Variants in CSMD3 observed in about 807,000 individuals in gnomAD.
CSMD3 encodes CUB and sushi domain-containing protein 3.
CSMD3 carries 177 observed loss-of-function variants against 435.2 expected under a neutral mutation model. That is an observed-to-expected ratio of 0.41 (90% CI 0.36 to 0.46). The LOEUF (loss-of-function observed/expected upper bound fraction) is 0.46, where lower values mean the gene tolerates loss of function less well. CSMD3 is among the 20% of genes least tolerant of loss of function. CSMD3 has a pLI of 0.34. For missense variants in CSMD3, 4,265 were observed against 4,504.6 expected (o/e 0.95, Z 1.52); for synonymous variants, 1,656 against 1,520.5 (o/e 1.09, Z -2.07).
chr8:112,576,835 C>CATATATATATATATAT (rs5894088), intron 23 of CSMD3, among the ~76,000 whole-genome samples: 5 of 71,608 alleles, frequency 7.0e-5, no homozygotes, highest in African/African-American at 1.4e-4. Flanking sequence ...AGGCAGCATA[C>CATATATATATATATAT]ATATATATAT....
At chr8:113,207,969 G>C (rs563710140) in intron 3 of CSMD3, among the ~76,000 whole-genome samples, 56 of 152,232 alleles carry the variant, frequency 3.7e-4, no homozygotes, top group Admixed American at 4.6e-4. Context: ...TTAGCTCTCT[G>C]CATATATTTC....
chr8:112,366,164 G>A (rs962974587), intron 38 of CSMD3, among the ~76,000 whole-genome samples: 4 of 152,132 alleles, frequency 2.6e-5, no homozygotes, highest in Admixed American at 2.6e-4. Flanking sequence ...AAGAGCAAAG[G>A]TCATGGCAAC....
At chr8:112,356,375 A>T (rs1826598662) in intron 38 of CSMD3, among the ~76,000 whole-genome samples, 1 of 152,194 alleles carries the variant, frequency 6.6e-6, no homozygotes, top group African/African-American at 2.4e-5. Flanking sequence ...ATACAGCTGG[A>T]GGCCATTATC....
intron 1 of CSMD3, among the ~76,000 whole-genome samples, chr8:113,422,347 T>C (rs554729694): frequency 6.6e-6 from 1 of 152,324 alleles, no homozygotes; most frequent in East Asian, 1.9e-4. Flanking sequence ...ACATGATGCA[T>C]GTGTAGCAAA....
At chr8:112,406,354 C>G (rs1213880935) in intron 35 of CSMD3, among the ~76,000 whole-genome samples, 170 bp downstream of exon 35, 1 of 151,904 alleles carries the variant, frequency 6.6e-6, no homozygotes, top group African/African-American at 2.4e-5. Context: ...ATCACCAAGA[C>G]AATTGCAACA....
chr8:113,415,662 C>A, intron 1 of CSMD3, among the ~76,000 whole-genome samples: 1 of 152,142 alleles, frequency 6.6e-6, no homozygotes, highest in East Asian at 1.9e-4. Flanking sequence ...AGAAATATAA[C>A]ACATTTCTAT....
At chr8:113,256,127 A>G (rs907282227) in intron 3 of CSMD3, among the ~76,000 whole-genome samples, 9 of 152,084 alleles carry the variant, frequency 5.9e-5, no homozygotes, top group Admixed American at 2.6e-4. Context: ...GAGAAGCAAC[A>G]GCAGAAAGAA....
intron 4 of CSMD3, among the ~76,000 whole-genome samples, chr8:113,163,329 G>C (rs2092081576): frequency 6.6e-6 from 1 of 151,924 alleles, no homozygotes; most frequent in African/African-American, 2.4e-5. Flanking sequence ...AAAATTTGAT[G>C]GAAGATACAA....
At chr8:112,333,737 G>A (rs962010709) in intron 45 of CSMD3, among the ~76,000 whole-genome samples, 1 of 151,324 alleles carries the variant, frequency 6.6e-6, no homozygotes, top group African/African-American at 2.4e-5. Flanking sequence ...CCCTTGAAAT[G>A]TCTCCTAAAT....
intron 5 of CSMD3, among the ~76,000 whole-genome samples, chr8:113,035,709 C>G (rs1054356040): frequency 6.6e-6 from 1 of 151,588 alleles, no homozygotes; most frequent in Non-Finnish European, 1.5e-5. Context: ...ATAACATTAA[C>G]AAAATGTTAC....
At chr8:113,376,244 T>A (rs923992972) in intron 1 of CSMD3, among the ~76,000 whole-genome samples, 4 of 152,164 alleles carry the variant, frequency 2.6e-5, no homozygotes, top group African/African-American at 9.6e-5. Flanking sequence ...AAATAGCCTT[T>A]GAGGCATAAA....
intron 20 of CSMD3, among the ~76,000 whole-genome samples, chr8:112,639,282 T>G (rs1195459347): frequency 6.6e-6 from 1 of 152,106 alleles, no homozygotes; most frequent in Non-Finnish European, 1.5e-5. Context: ...CTCCAATCCC[T>G]TCGACCAACA....
chr8:112,832,722 A>G (rs1015720177), intron 11 of CSMD3, among the ~76,000 whole-genome samples: 1 of 152,126 alleles, frequency 6.6e-6, no homozygotes, highest in Non-Finnish European at 1.5e-5. Flanking sequence ...CCCCGGTACA[A>G]CCTTGAAAAG....
chr8:112,676,456 G>C (rs2075772300), intron 16 of CSMD3, among the ~76,000 whole-genome samples: 1 of 152,044 alleles, frequency 6.6e-6, no homozygotes, highest in Middle Eastern at 3.4e-3. Flanking sequence ...TTTTAGACTT[G>C]TCTAACTTAT....
intron 10 of CSMD3, among the ~76,000 whole-genome samples, chr8:112,894,929 T>C (rs2081907993): frequency 6.6e-6 from 1 of 151,324 alleles, no homozygotes; most frequent in South Asian, 2.1e-4. Flanking sequence ...GAATGGATAA[T>C]AAATGCCAGT....
intron 3 of CSMD3, among the ~76,000 whole-genome samples, chr8:113,265,024 G>A (rs965691130): frequency 9.2e-5 from 14 of 151,624 alleles, no homozygotes; most frequent in Admixed American, 7.9e-4. Flanking sequence ...TTCTATACTT[G>A]TAAGCTTCTC....
At chr8:113,221,658 G>C (rs1346968182) in intron 3 of CSMD3, among the ~76,000 whole-genome samples, 1 of 151,106 alleles carries the variant, frequency 6.6e-6, no homozygotes, top group Non-Finnish European at 1.5e-5. Context: ...GTTTTAGCAA[G>C]CAAAATACTC....
intron 70 of CSMD3, among the ~76,000 whole-genome samples, chr8:112,226,164 G>A (rs1250643091): frequency 6.6e-6 from 1 of 151,756 alleles, no homozygotes; most frequent in Admixed American, 6.6e-5. Context: ...TGATTTCTAC[G>A]ATAATAATTG....
At chr8:112,428,096 C>T (rs890920375) in intron 32 of CSMD3, among the ~76,000 whole-genome samples, 3 of 152,260 alleles carry the variant, frequency 2.0e-5, no homozygotes, top group South Asian at 4.1e-4. Context: ...AGAATCCTGG[C>T]ACCATCACTG....
Sources: allele counts gnomAD v4.1 joint callset (sites outside exome capture counted in the v4.1 genomes callset), GRCh38; gene constraint gnomAD v4.1.1; transcripts MANE v1.5; gene names NCBI Gene and HGNC (gene_info 2026-07-23, HGNC 2026-07-21).